ST18: variants seen among roughly 807,000 people sequenced by gnomAD.
The protein encoded by ST18 is ST18 C2H2C-type zinc finger transcription factor.
ST18 carries 50 observed loss-of-function variants against 110.0 expected under a neutral mutation model. The observed-to-expected ratio is 0.45, with a 90% CI of 0.36 to 0.58. The LOEUF (loss-of-function observed/expected upper bound fraction) is 0.58, where lower values mean the gene tolerates loss of function less well. Ranked by LOEUF, ST18 falls within the 20% of genes least tolerant of loss-of-function variation. The pLI is 0.00. For synonymous variants in ST18, 461 were observed against 452.4 expected, an observed-to-expected ratio of 1.02 and a Z score of -0.24; for missense variants, 1,306 against 1,280.1, an observed-to-expected ratio of 1.02 and a Z score of -0.31.
intron 2 of ST18, among the ~76,000 whole-genome samples, chr8:52,378,495 A>T (rs937737620): frequency 6.6e-6 from 1 of 152,246 alleles, no homozygotes; most frequent in Non-Finnish European, 1.5e-5. Flanking sequence ...ATGCATGTGC[A>T]CTGAAAATAA....
intron 2 of ST18, among the ~76,000 whole-genome samples, chr8:52,248,064 C>T (rs942416429): frequency 1.0e-4 from 15 of 149,050 alleles, no homozygotes; most frequent in Non-Finnish European, 1.4e-4. Flanking sequence ...AGGAAAAGTA[C>T]TTCATGAAAA....
chr8:52,257,233 A>G (rs1343750879), intron 2 of ST18, among the ~76,000 whole-genome samples: 3 of 152,326 alleles, frequency 2.0e-5, no homozygotes, highest in South Asian at 4.1e-4. Flanking sequence ...ACATAAGGCT[A>G]CTATAAACAT....
chr8:52,378,652 GT>G (rs1381853681), intron 2 of ST18, among the ~76,000 whole-genome samples: 1 of 152,150 alleles, frequency 6.6e-6, no homozygotes, highest in African/African-American at 2.4e-5. Flanking sequence ...CCAAGCATAA[GT>G]TTTTCAAACA....
intron 22 of ST18, among the ~76,000 whole-genome samples, chr8:52,131,417 T>A (rs1162823719): frequency 6.6e-6 from 1 of 152,162 alleles, no homozygotes; most frequent in Non-Finnish European, 1.5e-5. Context: ...ATTCAGTCAC[T>A]GGGAAGCTAT....
chr8:52,114,002 C>G (rs1480860320), intron 25 of ST18, among the ~76,000 whole-genome samples: 3 of 95,078 alleles, frequency 3.2e-5, no homozygotes, highest in African/African-American at 1.2e-4. Context: ...CAGAGTCTCG[C>G]TCTATTGTCC....
rs2065213079 is a variant in ST18 at position 52,172,211 on chromosome 8, C to T, written c.650G>A (p.Arg217Lys). The part of the protein sequence containing the change: ...SNFSEETKPP[R>K]VPKYVLTDHK... The stretch of plus-strand genomic sequence containing the variant: ...ATCTGTTAAAACATACTTTGGGACT[C>T]TAGGTGGTTTGGTTTCTTCTGAGAA... The change falls in exon 10 of 26, where the codon AGA (arginine) becomes AAA (lysine). Residue 217 changes from arginine (R) to lysine (K), a missense_variant. By Grantham distance (26) the Arg-to-Lys change is conservative. Coordinates refer to ENST00000689386, the MANE Select transcript of ST18 (RefSeq NM_001352837.2). 6.2e-7 allele frequency: 1 copy of T among 1,614,116 alleles called. No individual in the cohort carries two copies. Among genetic ancestry groups the T allele is most frequent in the South Asian group, 1.1e-5 (1 of 91,074 alleles).
intron 2 of ST18, among the ~76,000 whole-genome samples, chr8:52,402,153 A>G (rs890422498): frequency 6.6e-6 from 1 of 152,138 alleles, no homozygotes; most frequent in Non-Finnish European, 1.5e-5. Flanking sequence ...CTTGGCAGCA[A>G]GGGCATTAGG....
chr8:52,127,536 T>A (rs948503018), intron 22 of ST18, among the ~76,000 whole-genome samples: 3 of 152,322 alleles, frequency 2.0e-5, no homozygotes, highest in Middle Eastern at 3.4e-3. Flanking sequence ...TGACCTTCAG[T>A]GAGTCCATTT....
At chr8:52,266,088 C>T (rs1224768393) in intron 2 of ST18, among the ~76,000 whole-genome samples, 3 of 152,128 alleles carry the variant, frequency 2.0e-5, no homozygotes, top group Admixed American at 6.5e-5. Context: ...ATTATTGAAT[C>T]GGCAATTTCA....
At chr8:52,130,166 A>AGAAAGAAAGAAAGAAG (rs879910173) in intron 22 of ST18, among the ~76,000 whole-genome samples, 2 of 120,040 alleles carry the variant, frequency 1.7e-5, no homozygotes, top group Non-Finnish European at 3.7e-5. Flanking sequence ...AAAGAAAGAA[A>AGAAAGAAAGAAAGAAG]AAGAAAAGAA....
intron 13 of ST18, 114 bp downstream of exon 13, chr8:52,163,872 T>G: frequency 2.8e-6 from 2 of 724,286 alleles, no homozygotes; most frequent in Non-Finnish European, 4.7e-6. Context: ...CCAGGTCTAC[T>G]GGGGCTGAGA....
intron 16 of ST18, among the ~76,000 whole-genome samples, chr8:52,146,164 T>C (rs1412706153): frequency 6.6e-6 from 1 of 152,128 alleles, no homozygotes; most frequent in Non-Finnish European, 1.5e-5. Flanking sequence ...AGTCTCCAAA[T>C]GTGAACAATA....
In ST18 at chr8:52,149,845, T is replaced by C. The variant is rs150534855; in HGVS notation, c.1939A>G (p.Thr647Ala). ...IPTPSSSPFK[T>A]SSILVNAAFY... ...GCTGCATTGACCAGAATGCTGCTTG[T>C]TTTGAATGGGGAAGAGGAAGGAGTT... The change falls in exon 16 of 26, where the codon ACA (threonine) becomes GCA (alanine). Residue 647 changes from threonine (T) to alanine (A), a missense_variant. By Grantham distance (58) the Thr-to-Ala change is moderately conservative (BLOSUM62 0). Transcript: ENST00000689386. The C allele has an allele frequency of 3.7e-4, 602 of 1,614,036 alleles. 1 individual carries two copies. The Middle Eastern group carries it at 8.2e-3, about 22-fold the overall frequency.
chr8:52,170,159 C>T (rs1250977830), intron 10 of ST18, among the ~76,000 whole-genome samples: 5 of 152,252 alleles, frequency 3.3e-5, no homozygotes, highest in East Asian at 1.9e-4. Flanking sequence ...ATTAAACTAT[C>T]GCATACTCTT....
chr8:52,171,638 A>G (rs2064998755), intron 10 of ST18, 154 bp downstream of exon 10: 3 of 853,836 alleles, frequency 3.5e-6, no homozygotes, highest in Non-Finnish European at 5.7e-6. Context: ...AGAGTGGGGG[A>G]AAAGAAAGAA....
At position 52,165,374 on chromosome 8, in the gene ST18, C is replaced by T. The variant is rs1320545811; in HGVS notation, c.1205-149G>A. 4.2e-6 allele frequency: 3 copies of T among 713,890 alleles called. No homozygotes were observed. In the South Asian group the frequency reaches 5.6e-5, roughly 13 times the overall value. 44.2% of individuals were successfully genotyped at this position (713,890 alleles called of 1,614,324 possible). On this transcript the variant is annotated intron_variant, in intron 11 of 25. Coordinates refer to ENST00000689386, the MANE Select transcript of ST18 (RefSeq NM_001352837.2). ...CTCTATTCAGACACAAACAAGTGAG[C>T]ATGGAAGAACTTCAGAAATTAAATC...
At chr8:52,138,630 G>A (rs948984703) in intron 17 of ST18, among the ~76,000 whole-genome samples, 1 of 152,122 alleles carries the variant, frequency 6.6e-6, no homozygotes, top group Non-Finnish European at 1.5e-5. Context: ...ATCCTTAGCA[G>A]TTTTCTTCCA....
chr8:52,177,183 G>A (rs2067253799), intron 9 of ST18, among the ~76,000 whole-genome samples: 1 of 152,116 alleles, frequency 6.6e-6, no homozygotes, highest in South Asian at 2.1e-4. Context: ...CTCCCTTCTG[G>A]TAGTACTTTG....
chr8:52,220,736 C>T lies in ST18; in HGVS notation c.-157+5G>A, dbSNP rs2086326460. 6.6e-6 allele frequency: 1 copy of T among 152,120 alleles called. No homozygotes were observed. The highest frequency in any genetic ancestry group is 1.5e-5 in the Non-Finnish European group (1 of 68,010). The allele number at this position is 152,120 out of a possible 1,614,324, so 9.4% of individuals were successfully genotyped here. A position where few individuals can be genotyped will look rare whatever the true frequency, so the allele number is the denominator to read the frequency against. ...ACTTTTTAATAAATAAAAATGTCGC[C>T]TTACCTCTCTTTTTCTCCAGGTAAC... On this transcript the variant is annotated splice_donor_5th_base_variant and intron_variant, in intron 5 of 25. Transcript: ENST00000689386.
Sources: gnomAD v4.1 joint callset for allele counts (sites outside exome capture counted in the v4.1 genomes callset) on GRCh38, gnomAD v4.1.1 for gene constraint, MANE v1.5 for transcripts, NCBI Gene and HGNC (gene_info 2026-07-23, HGNC 2026-07-21) for gene names.